Variants in ARPP21 observed in about 807,000 individuals in gnomAD.
ARPP21 encodes cAMP-regulated phosphoprotein 21.
ARPP21 carries 69 observed loss-of-function variants against 113.2 expected under a neutral mutation model. The ratio of observed to expected loss-of-function variants is 0.61; its 90% CI spans 0.50 to 0.74. The LOEUF (loss-of-function observed/expected upper bound fraction) is 0.74, where lower values mean the gene tolerates loss of function less well. ARPP21 is among the 30% of genes least tolerant of loss of function. ARPP21 has a pLI of 0.00. For synonymous variants in ARPP21, 368 were observed against 375.5 expected (o/e 0.98, Z 0.23); for missense variants, 1,070 against 1,037.4 (o/e 1.03, Z -0.43).
intron 19 of ARPP21, among the ~76,000 whole-genome samples, chr3:35,748,843 C>T (rs1433994944): frequency 6.6e-6 from 1 of 152,108 alleles, no homozygotes; most frequent in Non-Finnish European, 1.5e-5. Context: ...CTCTAGTGGG[C>T]TAGTTTAATC....
intron 10 of ARPP21, among the ~76,000 whole-genome samples, chr3:35,707,776 C>A (rs2089710448): frequency 1.3e-5 from 2 of 151,796 alleles, no homozygotes; most frequent in African/African-American, 4.8e-5. Flanking sequence ...AGCAAAGAGA[C>A]CTTACTAAAT....
At position 35,639,782 on chromosome 3, in the gene ARPP21, G is replaced by C. The variant is rs1235470339; in HGVS notation, c.-829G>C. On this transcript the variant is annotated 5_prime_UTR_variant, in exon 1 of 21. Transcript: ENST00000684406. This position sits in a 1 kb window ranked among gnomAD's most constrained non-coding sequence, Gnocchi z 5.0. ...GCGAAGCGGCCAGGGGCACAGAGTG[G>C]GAGAGGACTGTGGGCACAGAAGACC... The C allele has an allele frequency of 6.5e-6, 1 of 153,102 alleles. No individual in the cohort carries two copies. The highest frequency in any genetic ancestry group is 2.4e-5 in the African/African-American group (1 of 41,458). The allele number at this position is 153,102 out of a possible 1,614,324, so 9.5% of individuals were successfully genotyped here. A position where few individuals can be genotyped will look rare whatever the true frequency, so the allele number is the denominator to read the frequency against.
At chr3:35,707,267 A>C (rs2089482334) in intron 10 of ARPP21, among the ~76,000 whole-genome samples, 185 bp downstream of exon 10, 1 of 152,010 alleles carries the variant, frequency 6.6e-6, no homozygotes. Flanking sequence ...GGTAGCAAAA[A>C]AAAATATGTC....
intron 5 of ARPP21, chr3:35,684,908 T>C (rs977229164): frequency 1.2e-5 from 12 of 985,220 alleles, no homozygotes; most frequent in African/African-American, 3.5e-5. Flanking sequence ...TTTATTTTAC[T>C]TGGGCTCTGA....
rs533715974 is a variant in ARPP21 at position 35,786,275 on chromosome 3, G to A, written c.2138-6107G>A. 1.2e-4 allele frequency among the ~76,000 whole-genome samples: 18 copies of A among 152,234 alleles called. No individual in the cohort carries two copies. In the South Asian group the frequency reaches 3.7e-3, roughly 32 times the overall value. ...GTGGTGGTTCACGCCTGTAATCCCG[G>A]CACTTTGGGAGGCCAAGACAGGCAG... On this transcript the variant is annotated intron_variant, in intron 19 of 20. Coordinates refer to ENST00000684406, the MANE Select transcript of ARPP21 (RefSeq NM_001385562.1).
intron 15 of ARPP21, among the ~76,000 whole-genome samples, chr3:35,731,144 G>C (rs1376800159): frequency 1.3e-5 from 2 of 152,114 alleles, no homozygotes; most frequent in Non-Finnish European, 2.9e-5. Context: ...TGAGTGGTTT[G>C]TTTTAAGCAA....
chr3:35,737,417 T>TA (rs2094424077), intron 16 of ARPP21, 55 bp downstream of exon 16: 2 of 1,210,686 alleles, frequency 1.7e-6, no homozygotes, highest in Admixed American at 2.0e-5. Flanking sequence ...GAAGGCTACA[T>TA]AGTCCTCAGA....
At chr3:35,695,255 A>C (rs1312399593) in intron 9 of ARPP21, among the ~76,000 whole-genome samples, 2 of 151,696 alleles carry the variant, frequency 1.3e-5, no homozygotes, top group East Asian at 3.9e-4. Context: ...ACATTAATAC[A>C]TTCCAGGTTT....
intron 15 of ARPP21, among the ~76,000 whole-genome samples, chr3:35,731,649 G>C (rs2093983165): frequency 6.6e-6 from 1 of 151,018 alleles, no homozygotes; most frequent in Admixed American, 6.6e-5. Flanking sequence ...TCTATCTTTA[G>C]TATATGTATG....
rs569693784 is a variant in ARPP21 at position 35,689,742 on chromosome 3, C to T, written c.486-339C>T. ...TCATTTACAGTCAATACTTGGCCTT[C>T]GTTTTGTTCCAGTTTCCTATTTATT... is the stretch of plus-strand genomic sequence containing the variant. On this transcript the variant is annotated intron_variant, in intron 7 of 20. Transcript: ENST00000684406. Among the ~76,000 whole-genome samples, 5 of 151,638 alleles carry T rather than the reference C, an allele frequency of 3.3e-5. No homozygotes were observed. The East Asian group carries it at 5.9e-4, about 18-fold the overall frequency.
intron 1 of ARPP21, among the ~76,000 whole-genome samples, chr3:35,659,607 G>A (rs560420898): frequency 6.6e-6 from 1 of 152,164 alleles, no homozygotes; most frequent in Non-Finnish European, 1.5e-5. Context: ...TGGAGTGCAG[G>A]TGTGTAGCCT....
chr3:35,684,035 G>T (rs2079794040), intron 5 of ARPP21: 2 of 1,596,646 alleles, frequency 1.3e-6, no homozygotes, highest in Non-Finnish European at 1.7e-6. Context: ...TCTGAAAACT[G>T]CAAATGGAAA....
At chr3:35,744,052 G>C in intron 19 of ARPP21, 87 bp downstream of exon 19, 3 of 1,442,528 alleles carry the variant, frequency 2.1e-6, no homozygotes, top group Non-Finnish European at 2.9e-6. Context: ...GTCCAAGCTT[G>C]GCAATTTAAA....
intron 3 of ARPP21, 84 bp from the exon 4 acceptor site, chr3:35,682,764 T>C (rs1513475): frequency 0.31 from 373,881 of 1,190,724 alleles, 45,874 homozygotes; most frequent in East Asian, 0.43. Context: ...CTCTCTTTCT[T>C]TCTCTCTCTC....
intron 1 of ARPP21, among the ~76,000 whole-genome samples, chr3:35,666,306 T>G (rs890857515): frequency 6.6e-6 from 1 of 152,144 alleles, no homozygotes. Flanking sequence ...TAGAACAAAA[T>G]ATTCCAATCA....
At chr3:35,754,022 T>C (rs1473418217) in intron 19 of ARPP21, among the ~76,000 whole-genome samples, 1 of 151,624 alleles carries the variant, frequency 6.6e-6, no homozygotes, top group Non-Finnish European at 1.5e-5. Context: ...TCTGCTGTTC[T>C]TCACCTTGAT....
chr3:35,789,034 T>C (rs2096690444), intron 19 of ARPP21, among the ~76,000 whole-genome samples: 1 of 152,192 alleles, frequency 6.6e-6, no homozygotes, highest in African/African-American at 2.4e-5. Context: ...ATAATAAAAA[T>C]AGCTAATGTC....
intron 19 of ARPP21, among the ~76,000 whole-genome samples, chr3:35,750,862 A>T (rs2095377577): frequency 6.6e-6 from 1 of 152,218 alleles, no homozygotes; most frequent in African/African-American, 2.4e-5. Flanking sequence ...ATAGTCTGGA[A>T]GGTGAAAGTC....
rs567604663 is a variant in ARPP21 at position 35,757,751 on chromosome 3, T to A, written c.2137+13786T>A. 2.2e-4 allele frequency among the ~76,000 whole-genome samples: 34 copies of A among 152,256 alleles called. 1 individual carries two copies. The South Asian group carries it at 3.7e-3, about 17-fold the overall frequency. On this transcript the variant is annotated intron_variant, in intron 19 of 20. Coordinates refer to ENST00000684406, the MANE Select transcript of ARPP21 (RefSeq NM_001385562.1). ...CTCTTTCTGCCTTTGAGCCTATGTA[T>A]ATATGCATGTTGTAGATTTAAACAT...
Sources: allele counts gnomAD v4.1 joint callset (sites outside exome capture counted in the v4.1 genomes callset), GRCh38; gene constraint gnomAD v4.1.1; non-coding constraint Gnocchi (gnomAD v3.1); transcripts MANE v1.5; gene names NCBI Gene and HGNC (gene_info 2026-07-23, HGNC 2026-07-21).